PDE3B: variants seen among roughly 807,000 people sequenced by gnomAD.
PDE3B encodes the protein cGMP-inhibited 3',5'-cyclic phosphodiesterase 3B.
Under a neutral mutation model 116.8 loss-of-function variants are expected in PDE3B, and 66 were observed. The observed-to-expected ratio is 0.56, with a 90% confidence interval of 0.46 to 0.69. PDE3B has a LOEUF of 0.69. Among genes scored for constraint, PDE3B ranks in the 30% least tolerant of loss-of-function variants. PDE3B has a pLI of 0.00. For synonymous variants in PDE3B, 595 were observed against 533.6 expected, an observed-to-expected ratio of 1.12 and a Z score of -1.59; for missense variants, 1,384 against 1,368.1, an observed-to-expected ratio of 1.01 and a Z score of -0.18.
At chr11:14,703,006 C>A (rs542741237) in intron 1 of PDE3B, among the ~76,000 whole-genome samples, 6 of 151,998 alleles carry the variant, frequency 3.9e-5, no homozygotes, top group African/African-American at 1.2e-4. Flanking sequence ...TGCAGAGTTT[C>A]TCTAGTTCAT....
intron 1 of PDE3B, among the ~76,000 whole-genome samples, chr11:14,768,090 C>G (rs573358967): frequency 1.3e-5 from 2 of 151,460 alleles, no homozygotes; most frequent in South Asian, 4.2e-4. Context: ...AGTATTATTC[C>G]CACATTTTTT....
In PDE3B at chr11:14,745,793, GA is replaced by G. The variant is rs1856895595; in HGVS notation, c.979-26140del. 2.0e-5 allele frequency among the ~76,000 whole-genome samples: 3 copies of G among 152,068 alleles called. No individual in the cohort carries two copies. The South Asian group carries it at 6.2e-4, about 32-fold the overall frequency. On this transcript the variant is annotated intron_variant, in intron 1 of 15. Transcript: ENST00000282096. Reference sequence around the variant, plus strand: ...AAGGATTGTTTAGCCTGTTTGACAGGAAAAGGAAAAGAATTAATGTATATTG... The same window carrying G: ...AAGGATTGTTTAGCCTGTTTGACAGGAAAGGAAAAGAATTAATGTATATTG...
At position 14,832,710 on chromosome 11, in the gene PDE3B, A is replaced by C. The variant is rs753552773; in HGVS notation, c.2095-12A>C. 1.1e-6 allele frequency: 1 copy of C among 943,368 alleles called. No homozygotes were observed. The highest frequency in any genetic ancestry group is 2.5e-5 in the Admixed American group (1 of 39,400). 58.4% of individuals were successfully genotyped at this position (943,368 alleles called of 1,614,324 possible). On this transcript the variant is annotated splice_polypyrimidine_tract_variant and intron_variant, in intron 9 of 15. Transcript: ENST00000282096. Reference sequence around the variant, plus strand: ...GATTTTTAAAGTAAACTTTATTTTAATTGACATTTAGGTTATGTATACCTT... The same window carrying C: ...GATTTTTAAAGTAAACTTTATTTTACTTGACATTTAGGTTATGTATACCTT...
At chr11:14,847,154 T>C (rs1369502176) in intron 12 of PDE3B, among the ~76,000 whole-genome samples, 1 of 152,142 alleles carries the variant, frequency 6.6e-6, no homozygotes, top group Non-Finnish European at 1.5e-5. Context: ...CAGACCACAG[T>C]GCAATCAAAC....
chr11:14,754,811 G>A (rs927628412), intron 1 of PDE3B, among the ~76,000 whole-genome samples: 16 of 152,062 alleles, frequency 1.1e-4, no homozygotes, highest in East Asian at 3.9e-4. Context: ...TATGAATGTC[G>A]CCATTATCTT....
At chr11:14,703,357 A>G (rs185727309) in intron 1 of PDE3B, among the ~76,000 whole-genome samples, 1 of 151,930 alleles carries the variant, frequency 6.6e-6, no homozygotes, top group East Asian at 1.9e-4. Flanking sequence ...GTATAAAGAA[A>G]AAATATGCTT....
intron 1 of PDE3B, among the ~76,000 whole-genome samples, chr11:14,709,361 A>T (rs1197937774): frequency 6.6e-6 from 1 of 152,106 alleles, no homozygotes; most frequent in Non-Finnish European, 1.5e-5. Flanking sequence ...ACATTAAAAA[A>T]ATCTCTGAAA....
chr11:14,806,284 CAAA>C (rs58465097), intron 5 of PDE3B, among the ~76,000 whole-genome samples: 8 of 126,518 alleles, frequency 6.3e-5, no homozygotes, highest in Admixed American at 5.6e-4. Flanking sequence ...ACTAAAAATA[CAAA>C]AAAAAAAAAA....
intron 2 of PDE3B, among the ~76,000 whole-genome samples, chr11:14,780,839 G>A (rs1281020289): frequency 6.6e-6 from 1 of 152,114 alleles, no homozygotes; most frequent in Non-Finnish European, 1.5e-5. Flanking sequence ...AGGAGATAGA[G>A]ACACAAAAAA....
At chr11:14,761,518 G>GT (rs1857358866) in intron 1 of PDE3B, among the ~76,000 whole-genome samples, 1 of 152,070 alleles carries the variant, frequency 6.6e-6, no homozygotes. Context: ...CCTTTGTAAA[G>GT]TTTTTTCTCA....
chr11:14,895,212 G>C, the PDE3B span, among the ~76,000 whole-genome samples: 1 of 152,248 alleles, frequency 6.6e-6, no homozygotes, highest in South Asian at 2.1e-4. Flanking sequence ...TGCAATCAGC[G>C]CAAATGTGCC....
At chr11:14,816,954 T>A (rs1485254405) in intron 5 of PDE3B, among the ~76,000 whole-genome samples, 1 of 152,186 alleles carries the variant, frequency 6.6e-6, no homozygotes, top group Non-Finnish European at 1.5e-5. Flanking sequence ...CCCAAAGGAT[T>A]ATAAGTCATG....
At chr11:14,682,460 T>C (rs1854740115) in intron 1 of PDE3B, among the ~76,000 whole-genome samples, 1 of 152,192 alleles carries the variant, frequency 6.6e-6, no homozygotes, top group Non-Finnish European at 1.5e-5. Flanking sequence ...ATGTTGGCTG[T>C]AGTTTTGTTT....
At chr11:14,867,218 C>T (rs1848063052) in intron 14 of PDE3B, among the ~76,000 whole-genome samples, 1 of 151,996 alleles carries the variant, frequency 6.6e-6, no homozygotes, top group South Asian at 2.1e-4. Flanking sequence ...TGGAATTTTG[C>T]AGTTTGTCAG....
At chr11:14,880,598 T>A in the PDE3B span, 3 of 1,612,936 alleles carry the variant, frequency 1.9e-6, no homozygotes, top group Non-Finnish European at 2.5e-6. Context: ...ATTAACTGTT[T>A]AAAGTCAAAA....
chr11:14,677,716 TC>T lies in PDE3B; in HGVS notation c.978+32666del, dbSNP rs1854573720. Among the ~76,000 whole-genome samples the T allele has an allele frequency of 3.3e-5, 5 of 152,312 alleles. No individual in the cohort carries two copies. In the East Asian group the frequency reaches 9.6e-4, roughly 29 times the overall value. On this transcript the variant is annotated intron_variant, in intron 1 of 15. Coordinates refer to ENST00000282096, the MANE Select transcript of PDE3B (RefSeq NM_000922.4). The stretch of plus-strand genomic sequence containing the variant: ...AGTTATATCTTCCTTCTATCCCTAA[TC>T]CCTGGTAACTACTAGTCTCTTTTCC...
At chr11:14,663,299 C>T (rs1249455532) in intron 1 of PDE3B, among the ~76,000 whole-genome samples, 1 of 152,128 alleles carries the variant, frequency 6.6e-6, no homozygotes, top group African/African-American at 2.4e-5. Flanking sequence ...AAAAGAGCTC[C>T]TGAAGGAAGC....
intron 5 of PDE3B, among the ~76,000 whole-genome samples, chr11:14,812,104 G>A (rs866210546): frequency 6.6e-6 from 1 of 152,112 alleles, no homozygotes; most frequent in Non-Finnish European, 1.5e-5. Context: ...GGGTAGGAGC[G>A]ACAGGAATAG....
chr11:14,721,233 C>T (rs1856064389), intron 1 of PDE3B, among the ~76,000 whole-genome samples: 1 of 152,190 alleles, frequency 6.6e-6, no homozygotes, highest in Non-Finnish European at 1.5e-5. Flanking sequence ...GATACCATCT[C>T]ACACCAGTTA....
Sources: allele counts gnomAD v4.1 joint callset (sites outside exome capture counted in the v4.1 genomes callset), GRCh38; gene constraint gnomAD v4.1.1; transcripts MANE v1.5; gene names NCBI Gene and HGNC (gene_info 2026-07-23, HGNC 2026-07-21).